KANK1: variants seen among roughly 807,000 people sequenced by gnomAD.
KANK1 encodes the protein KN motif and ankyrin repeat domains 1, also known as KN motif and ankyrin repeat domain-containing protein 1.
KANK1 carries 109 observed loss-of-function variants against 106.2 expected under a neutral mutation model. The ratio of observed to expected loss-of-function variants is 1.03; its 90% CI spans 0.88 to 1.20. The LOEUF is 1.20. Ranked by LOEUF, KANK1 falls within the 50% of genes most tolerant of loss-of-function variation. KANK1 has a pLI of 0.00. For missense variants in KANK1, 2,399 were observed against 1,710.7 expected (o/e 1.40, Z -7.10); for synonymous variants, 873 against 652.2 (o/e 1.34, Z -5.16).
chr9:579,007 A>G (rs1316975506), intron 1 of KANK1, among the ~76,000 whole-genome samples: 2 of 152,230 alleles, frequency 1.3e-5, no homozygotes, highest in Non-Finnish European at 2.9e-5. Context: ...AAAATTGACT[A>G]TATGCATGTT....
At chr9:493,874 T>C (rs1368232535) in intron 3 of KANK1, among the ~76,000 whole-genome samples, 2 of 149,952 alleles carry the variant, frequency 1.3e-5, no homozygotes, top group Non-Finnish European at 3.0e-5. Context: ...TAAATACTAA[T>C]AGTTTACATA....
intron 1 of KANK1, among the ~76,000 whole-genome samples, chr9:642,302 C>G (rs1290624662): frequency 6.6e-6 from 1 of 150,838 alleles, no homozygotes; most frequent in Non-Finnish European, 1.5e-5. Flanking sequence ...TTGTGTTTTA[C>G]AAAGATAGCG....
chr9:609,174 A>G (rs1250685319), intron 1 of KANK1, among the ~76,000 whole-genome samples: 4 of 152,194 alleles, frequency 2.6e-5, no homozygotes, highest in Admixed American at 1.3e-4. Context: ...TATTTACCAC[A>G]TTATTAAACT....
intron 1 of KANK1, among the ~76,000 whole-genome samples, chr9:664,947 C>T (rs1588702611): frequency 1.3e-5 from 2 of 152,176 alleles, no homozygotes; most frequent in African/African-American, 4.8e-5. Context: ...ACTTCTTATA[C>T]CCTTTGTTCA....
chr9:510,190 G>C (rs2058969465), intron 1 of KANK1, among the ~76,000 whole-genome samples: 1 of 152,032 alleles, frequency 6.6e-6, no homozygotes, highest in South Asian at 2.1e-4. Context: ...TGAAAATAAT[G>C]GTGAGGTTGA....
At chr9:705,562 G>A (rs1823871537) in intron 2 of KANK1, among the ~76,000 whole-genome samples, 1 of 151,846 alleles carries the variant, frequency 6.6e-6, no homozygotes, top group Non-Finnish European at 1.5e-5. Flanking sequence ...GTGTGGTTGG[G>A]AGAGGAAGCA....
intron 1 of KANK1, among the ~76,000 whole-genome samples, chr9:662,685 A>G (rs1843612353): frequency 9.8e-6 from 1 of 102,114 alleles, no homozygotes; most frequent in African/African-American, 5.3e-5. Context: ...TTTTTGAGAC[A>G]GGGTCTTGCT....
chr9:594,550 A>G (rs1485289453), intron 1 of KANK1, among the ~76,000 whole-genome samples: 1 of 151,912 alleles, frequency 6.6e-6, no homozygotes, highest in Non-Finnish European at 1.5e-5. Context: ...GCCAGAGACT[A>G]AAGTGAGCCA....
rs143500951 is a variant in KANK1 at position 682,810 on chromosome 9, G to T, written c.37+5801G>T. On this transcript the variant is annotated intron_variant, in intron 2 of 11. Transcript: ENST00000382297. ...TGGCTCCAGCTTTTGTCTCTATGCT[G>T]ATCTTAAATGAGTACAAAGGCCACT... Among the ~76,000 whole-genome samples, 479 of 152,256 alleles carry T rather than the reference G, an allele frequency of 3.1e-3. 1 individual carries two copies. The highest frequency in any genetic ancestry group is 0.011 in the African/African-American group (467 of 41,526).
chr9:638,250 A>G (rs561164542), intron 1 of KANK1, among the ~76,000 whole-genome samples: 9 of 152,322 alleles, frequency 5.9e-5, no homozygotes, highest in Non-Finnish European at 1.3e-4. Flanking sequence ...TTTATTTCTT[A>G]TAGCTATGGA....
chr9:553,336 C>A (rs530304271), intron 1 of KANK1, among the ~76,000 whole-genome samples: 22 of 152,278 alleles, frequency 1.4e-4, no homozygotes, highest in African/African-American at 5.1e-4. Context: ...TTGAGGGCTA[C>A]TTTGTGCCAG....
intron 2 of KANK1, among the ~76,000 whole-genome samples, chr9:682,013 C>T (rs1817644050): frequency 6.6e-6 from 1 of 152,132 alleles, no homozygotes; most frequent in African/African-American, 2.4e-5. Context: ...GGCACGGTGG[C>T]TTACGCCTGT....
At chr9:478,162 A>AT in intron 3 of KANK1, 1 of 182,940 alleles carries the variant, frequency 5.5e-6, no homozygotes, top group South Asian at 1.0e-4. Context: ...TGGAAATGCC[A>AT]TTTTTCATGA....
At chr9:513,403 C>A (rs542386781) in intron 1 of KANK1, among the ~76,000 whole-genome samples, 2 of 152,286 alleles carry the variant, frequency 1.3e-5, no homozygotes, top group African/African-American at 4.8e-5. Flanking sequence ...AGCCCTGTAA[C>A]TCTGTTGGAG....
intron 1 of KANK1, among the ~76,000 whole-genome samples, chr9:628,496 G>A (rs1402959059): frequency 6.6e-6 from 1 of 152,188 alleles, no homozygotes; most frequent in East Asian, 1.9e-4. Flanking sequence ...TGCCATGGAA[G>A]TTCATTTCTT....
At chr9:604,503 G>A (rs1049830944) in intron 1 of KANK1, among the ~76,000 whole-genome samples, 3 of 151,760 alleles carry the variant, frequency 2.0e-5, no homozygotes, top group Non-Finnish European at 4.4e-5. Context: ...ATGTGAAGAA[G>A]AGGTCCTTGC....
At position 561,012 on chromosome 9, in the gene KANK1, C is replaced by T. The variant is rs376385831; in HGVS notation, c.-84+56258C>T. ...CAGTACTCAGAATTAAGGAGATAAT[C>T]ATCCCGTTGTTTTCTGACTTCGTTA... is the stretch of plus-strand genomic sequence containing the variant. On this transcript the variant is annotated intron_variant, in intron 1 of 11. Coordinates refer to ENST00000382297, the MANE Select transcript of KANK1 (RefSeq NM_015158.5). Among the ~76,000 whole-genome samples the T allele has an allele frequency of 5.9e-5, 9 of 152,256 alleles. No homozygotes were observed. The East Asian group carries it at 1.4e-3, about 23-fold the overall frequency.
chr9:578,969 TAATA>T (rs1474240351), intron 1 of KANK1, among the ~76,000 whole-genome samples: 2 of 152,206 alleles, frequency 1.3e-5, no homozygotes, highest in African/African-American at 4.8e-5. Flanking sequence ...TATCTTGACT[TAATA>T]AATGTCTGCA....
At chr9:669,819 C>T (rs1340996814) in intron 1 of KANK1, among the ~76,000 whole-genome samples, 1 of 151,990 alleles carries the variant, frequency 6.6e-6, no homozygotes, top group Non-Finnish European at 1.5e-5. Flanking sequence ...TTTTTCTACC[C>T]CTCACTCTTG....
Sources: gnomAD v4.1 joint callset for allele counts (sites outside exome capture counted in the v4.1 genomes callset) on GRCh38, gnomAD v4.1.1 for gene constraint, MANE v1.5 for transcripts, NCBI Gene and HGNC (gene_info 2026-07-23, HGNC 2026-07-21) for gene names.